RFX4: variants seen among roughly 807,000 people sequenced by gnomAD.
RFX4 encodes transcription factor RFX4.
In RFX4, 10 loss-of-function variants were observed where a neutral mutation model predicts 95.0. The ratio of observed to expected loss-of-function variants is 0.11; its 90% CI spans 0.06 to 0.18. RFX4 has a LOEUF of 0.18. RFX4 is among the 10% of genes least tolerant of loss of function. The probability of loss-of-function intolerance (pLI) is 1.00; values close to 1 mark genes in which losing one functional copy is unlikely to be tolerated. For synonymous variants in RFX4, 321 were observed against 340.7 expected (o/e 0.94, Z 0.64); for missense variants, 640 against 922.0 (o/e 0.69, Z 3.96).
intron 2 of RFX4, among the ~76,000 whole-genome samples, chr12:106,623,715 G>A (rs569088395): frequency 6.6e-6 from 1 of 152,320 alleles, no homozygotes; most frequent in African/African-American, 2.4e-5. Flanking sequence ...AGCTAGGGAG[G>A]TGGAGGTTGC....
At chr12:106,682,509 C>T (rs1057406140) in intron 5 of RFX4, 3 of 159,060 alleles carry the variant, frequency 1.9e-5, no homozygotes, top group Non-Finnish European at 2.8e-5. Flanking sequence ...TGAGGGTTCA[C>T]GGCTTCCCAT....
At chr12:106,691,206 C>T (rs1424895973) in intron 7 of RFX4, among the ~76,000 whole-genome samples, 1 of 152,200 alleles carries the variant, frequency 6.6e-6, no homozygotes, top group Non-Finnish European at 1.5e-5. Context: ...AAAATCATCC[C>T]CATCTATTTA....
Position 106,761,189 on chromosome 12 carries a change from T to C in RFX4, c.1936-8T>C, listed in dbSNP as rs1171334488. 4 of 1,604,848 alleles carry C rather than the reference T, an allele frequency of 2.5e-6. No individual in the cohort carries two copies. In the African/African-American group the frequency reaches 5.3e-5, roughly 21 times the overall value. The stretch of plus-strand genomic sequence containing the variant: ...TTAACTTTGTGGAATTTCTTTCCCC[T>C]CAACAAGTACCCTTTTAATAGCCCC... On this transcript the variant is annotated splice_polypyrimidine_tract_variant and splice_region_variant and intron_variant, in intron 17 of 17. Transcript: ENST00000392842.
intron 4 of RFX4, among the ~76,000 whole-genome samples, chr12:106,657,958 A>G (rs544388015): frequency 1.3e-5 from 2 of 152,128 alleles, no homozygotes; most frequent in Non-Finnish European, 1.5e-5. Flanking sequence ...TCAAATATCT[A>G]TATCTATGTA....
At chr12:106,715,129 A>T in intron 10 of RFX4, 1 of 325,796 alleles carries the variant, frequency 3.1e-6, no homozygotes, top group Non-Finnish European at 5.8e-6. Flanking sequence ...GACCAAAGGG[A>T]CTGGAAACAG....
chr12:106,592,306 G>A (rs1027793352), intron 1 of RFX4, among the ~76,000 whole-genome samples: 2 of 151,950 alleles, frequency 1.3e-5, no homozygotes, highest in Non-Finnish European at 2.9e-5. Context: ...TTTTTCTGAA[G>A]GGTTTAGACC....
intron 8 of RFX4, among the ~76,000 whole-genome samples, chr12:106,705,056 A>T (rs986066405): frequency 1.3e-5 from 2 of 152,080 alleles, no homozygotes; most frequent in Non-Finnish European, 2.9e-5. Flanking sequence ...CCTGGGCTTT[A>T]CTCCTGGCTC....
At chr12:106,674,179 G>A (rs1417693212) in intron 4 of RFX4, among the ~76,000 whole-genome samples, 4 of 152,134 alleles carry the variant, frequency 2.6e-5, no homozygotes, top group Non-Finnish European at 5.9e-5. Flanking sequence ...TCCCACCCAG[G>A]TCCTTCCCAT....
intron 2 of RFX4, among the ~76,000 whole-genome samples, chr12:106,637,038 G>A (rs575095001): frequency 6.6e-6 from 1 of 152,108 alleles, no homozygotes; most frequent in Non-Finnish European, 1.5e-5. Context: ...CAGAAGCCCC[G>A]AGAGAGAGTG....
intron 5 of RFX4, chr12:106,682,881 T>C (rs994526966): frequency 6.6e-6 from 1 of 152,188 alleles, no homozygotes; most frequent in East Asian, 1.9e-4. Flanking sequence ...TCTAAGGATG[T>C]TTCAAAAATT....
intron 8 of RFX4, among the ~76,000 whole-genome samples, chr12:106,707,860 T>C (rs568893063): frequency 3.3e-5 from 5 of 152,262 alleles, no homozygotes; most frequent in African/African-American, 9.6e-5. Context: ...GGACTGGGCA[T>C]AGTGGCTCAC....
At chr12:106,732,761 A>G in intron 14 of RFX4, 163 bp from the exon 15 acceptor site, 1 of 523,190 alleles carries the variant, frequency 1.9e-6, no homozygotes, top group Non-Finnish European at 3.3e-6. Flanking sequence ...ATATTTATAT[A>G]CAGAAATTGC....
At chr12:106,695,663 A>G (rs900120578) in intron 7 of RFX4, among the ~76,000 whole-genome samples, 4 of 152,194 alleles carry the variant, frequency 2.6e-5, no homozygotes, top group Admixed American at 2.6e-4. Context: ...CTTACCACTC[A>G]GGTATCACCA....
Position 106,720,048 on chromosome 12 carries a change from T to C in RFX4, c.1227T>C (p.Val409=), listed in dbSNP as rs2042367050. 1.2e-6 allele frequency: 2 copies of C among 1,614,070 alleles called. No individual in the cohort carries two copies. The highest frequency in any genetic ancestry group is 1.7e-6 in the Non-Finnish European group (2 of 1,179,932). The change falls in exon 12 of 18, where the codon GTT becomes GTC. Residue 409 remains valine, a synonymous_variant. Transcript: ENST00000392842. This position sits in a 1 kb window ranked among gnomAD's most constrained non-coding sequence, Gnocchi z 4.2. ...EWLDTMVDRC[V]VKVAAKRQGS... is the part of the protein sequence containing the mutation. ...TGGATACCATGGTTGACCGCTGTGT[T>C]GTGAAGGTTGGTAAACCGGCACCTA...
chr12:106,583,115 TCTC>T lies in RFX4; in HGVS notation c.-202_-200del. On this transcript the variant is annotated 5_prime_UTR_variant, in exon 1 of 18. Coordinates refer to ENST00000392842, the MANE Select transcript of RFX4 (RefSeq NM_213594.3). ...GAGCTCGCTCCCTTCTCTCCCTCTC[TCTC>T]CTCTTTTCTTCTTTCTCTTTTCTTT... 4.4e-6 allele frequency: 2 copies of T among 458,444 alleles called. No homozygotes were observed. The highest frequency in any genetic ancestry group is 3.6e-5 in the East Asian group (1 of 27,978). 28.4% of individuals were successfully genotyped at this position (458,444 alleles called of 1,614,324 possible).
chr12:106,719,654 G>A (rs1037057090), intron 11 of RFX4, among the ~76,000 whole-genome samples: 3 of 152,078 alleles, frequency 2.0e-5, no homozygotes, highest in Non-Finnish European at 4.4e-5. Flanking sequence ...TGGGACATGA[G>A]GAACCAAGTA....
rs146043486 is a variant in RFX4 at position 106,713,468 on chromosome 12, T to TA, written c.994-1929dup. ...ACAAGGCATTCAGGTCCTATGTAGA[T>TA]AAAGTGGTCAGAGATGGCCTTTCCA... On this transcript the variant is annotated intron_variant, in intron 10 of 17. Transcript: ENST00000392842. 3.8e-3 allele frequency among the ~76,000 whole-genome samples: 580 copies of TA among 152,314 alleles called. 9 individuals carry two copies. Among genetic ancestry groups the TA allele is most frequent in the African/African-American group, 0.013 (560 of 41,562 alleles).
chr12:106,724,827 C>A (rs1165236180), intron 13 of RFX4, among the ~76,000 whole-genome samples: 3 of 152,086 alleles, frequency 2.0e-5, no homozygotes, highest in Non-Finnish European at 4.4e-5. Context: ...GCCTGGACAA[C>A]ATGGTGAAAC....
chr12:106,727,792 TG>T (rs1269427089), intron 13 of RFX4, among the ~76,000 whole-genome samples: 1 of 152,122 alleles, frequency 6.6e-6, no homozygotes, highest in Non-Finnish European at 1.5e-5. Context: ...GCTAATTTTT[TG>T]TATCTTTAGT....
Sources: allele counts gnomAD v4.1 joint callset (sites outside exome capture counted in the v4.1 genomes callset), GRCh38; gene constraint gnomAD v4.1.1; non-coding constraint Gnocchi (gnomAD v3.1); transcripts MANE v1.5; gene names NCBI Gene and HGNC (gene_info 2026-07-23, HGNC 2026-07-21).